The following TXNDC16 variants were observed in gnomAD, a reference collection of about 807,000 sequenced individuals.
TXNDC16 encodes thioredoxin domain containing 16, also known as thioredoxin domain-containing protein 16.
TXNDC16 carries 74 observed loss-of-function variants against 85.6 expected under a neutral mutation model. The ratio of observed to expected loss-of-function variants is 0.86; its 90% CI spans 0.72 to 1.05. The LOEUF (loss-of-function observed/expected upper bound fraction) is 1.05. Among genes scored for constraint, TXNDC16 ranks in the 50% least tolerant of loss-of-function variants. The pLI is 0.00. For missense variants in TXNDC16, 959 were observed against 947.0 expected, an observed-to-expected ratio of 1.01 and a Z score of -0.17; for synonymous variants, 335 against 326.5, an observed-to-expected ratio of 1.03 and a Z score of -0.28.
chr14:52,490,234 A>G (rs2036368383), intron 11 of TXNDC16, among the ~76,000 whole-genome samples, 157 bp downstream of exon 11: 1 of 152,256 alleles, frequency 6.6e-6, no homozygotes, highest in African/African-American at 2.4e-5. Flanking sequence ...CCAGACTGAC[A>G]CATGATAAAA....
intron 2 of TXNDC16, among the ~76,000 whole-genome samples, 158 bp downstream of exon 2, chr14:52,544,106 C>T (rs1015194547): frequency 6.6e-6 from 1 of 152,096 alleles, no homozygotes; most frequent in Non-Finnish European, 1.5e-5. Flanking sequence ...AACATTCCTT[C>T]TAAATATACA....
intron 18 of TXNDC16, among the ~76,000 whole-genome samples, chr14:52,451,472 A>G (rs941613900): frequency 1.3e-5 from 2 of 152,162 alleles, no homozygotes; most frequent in Admixed American, 6.5e-5. Context: ...AACCAATTCA[A>G]CAATACATTA....
intron 14 of TXNDC16, among the ~76,000 whole-genome samples, chr14:52,476,864 A>C (rs2036031690): frequency 6.6e-6 from 1 of 152,216 alleles, no homozygotes; most frequent in African/African-American, 2.4e-5. Flanking sequence ...ATGCCTAGGC[A>C]CATTGTCATC....
At chr14:52,465,030 A>G (rs576411845) in intron 16 of TXNDC16, among the ~76,000 whole-genome samples, 1 of 152,336 alleles carries the variant, frequency 6.6e-6, no homozygotes, top group East Asian at 1.9e-4. Context: ...TATTCTTATT[A>G]TTTATTTTTT....
intron 6 of TXNDC16, among the ~76,000 whole-genome samples, chr14:52,531,683 G>T (rs767059627): frequency 6.6e-6 from 1 of 152,154 alleles, no homozygotes; most frequent in Non-Finnish European, 1.5e-5. Flanking sequence ...TAGGCACAGA[G>T]CATTTTGGGG....
At chr14:52,542,350 G>C in intron 4 of TXNDC16, 21 bp downstream of exon 4, 2 of 1,530,176 alleles carry the variant, frequency 1.3e-6, no homozygotes, top group Non-Finnish European at 1.8e-6. Context: ...TAATATTTTA[G>C]TAACATAAAT....
chr14:52,442,818 A>C (rs1180494959), intron 18 of TXNDC16, among the ~76,000 whole-genome samples: 2 of 152,196 alleles, frequency 1.3e-5, no homozygotes, highest in Non-Finnish European at 2.9e-5. Context: ...ATTGAGGACA[A>C]AGTTCAAGAT....
chr14:52,490,322 T>C (rs1025550238), intron 11 of TXNDC16, 69 bp downstream of exon 11: 10 of 1,092,622 alleles, frequency 9.2e-6, no homozygotes, highest in Non-Finnish European at 1.0e-5. Flanking sequence ...TAAAAATATA[T>C]TAAAGACCAC....
At chr14:52,495,869 G>C (rs889791497) in intron 9 of TXNDC16, among the ~76,000 whole-genome samples, 14 of 152,122 alleles carry the variant, frequency 9.2e-5, no homozygotes, top group African/African-American at 3.4e-4. Context: ...GTGAACTAAA[G>C]AGACAGATCG....
chr14:52,462,844 T>C, intron 16 of TXNDC16: 1 of 431,782 alleles, frequency 2.3e-6, no homozygotes, highest in South Asian at 1.7e-5. Flanking sequence ...TTGTAAGTGT[T>C]TGTAGGTAGT....
At chr14:52,441,968 A>G (rs552781927) in intron 18 of TXNDC16, among the ~76,000 whole-genome samples, 1 of 152,352 alleles carries the variant, frequency 6.6e-6, no homozygotes, top group East Asian at 1.9e-4. Context: ...ATTACAAGTC[A>G]GAATCCCAGG....
At chr14:52,449,638 C>T (rs1360979517) in intron 18 of TXNDC16, among the ~76,000 whole-genome samples, 1 of 152,066 alleles carries the variant, frequency 6.6e-6, no homozygotes, top group Non-Finnish European at 1.5e-5. Context: ...TCAATGGCTG[C>T]AGATACACAT....
At chr14:52,503,072 CA>C (rs1275465867) in intron 9 of TXNDC16, among the ~76,000 whole-genome samples, 1 of 152,224 alleles carries the variant, frequency 6.6e-6, no homozygotes, top group Non-Finnish European at 1.5e-5. Context: ...GTAAACAAAG[CA>C]GATGGGAAGC....
chr14:52,491,289 C>T (rs953023578), intron 9 of TXNDC16, among the ~76,000 whole-genome samples: 3 of 151,640 alleles, frequency 2.0e-5, no homozygotes, highest in African/African-American at 7.3e-5. Context: ...TCAAACAATC[C>T]TCCCACCTCA....
At position 52,433,730 on chromosome 14, in the gene TXNDC16, G is replaced by A. The variant is rs376816751; in HGVS notation, c.2195-1143C>T. Among the ~76,000 whole-genome samples the A allele has an allele frequency of 2.4e-4, 36 of 152,278 alleles. 1 individual carries two copies. The highest frequency in any genetic ancestry group is 8.2e-4 in the African/African-American group (34 of 41,564). The stretch of plus-strand genomic sequence containing the variant: ...TACATCAGCAGGGCAATAAATTTAG[G>A]CTACTCATGAAACTGATGTTTCAAA... On this transcript the variant is annotated intron_variant, in intron 20 of 20. Coordinates refer to ENST00000281741, the MANE Select transcript of TXNDC16 (RefSeq NM_020784.3).
At chr14:52,550,945 G>A (rs551924050) in intron 1 of TXNDC16, among the ~76,000 whole-genome samples, 4 of 152,252 alleles carry the variant, frequency 2.6e-5, no homozygotes, top group South Asian at 2.1e-4. Flanking sequence ...GAACTTCTTA[G>A]GTTCCAATAA....
At chr14:52,470,472 C>A in intron 15 of TXNDC16, 40 bp downstream of exon 15, 1 of 1,579,092 alleles carries the variant, frequency 6.3e-7, no homozygotes, top group African/African-American at 1.4e-5. Context: ...TTCTAAAGAC[C>A]TAAACATTCA....
intron 14 of TXNDC16, among the ~76,000 whole-genome samples, chr14:52,481,141 T>C (rs765574925): frequency 6.6e-6 from 1 of 151,630 alleles, no homozygotes; most frequent in Non-Finnish European, 1.5e-5. Context: ...AGCTAAGCTA[T>C]GAGGATGCAA....
chr14:52,537,498 C>A, intron 5 of TXNDC16, 101 bp downstream of exon 5: 1 of 853,598 alleles, frequency 1.2e-6, no homozygotes, highest in Non-Finnish European at 1.9e-6. Flanking sequence ...CATGATCCCC[C>A]CTACATATGA....
Sources: allele counts gnomAD v4.1 joint callset (sites outside exome capture counted in the v4.1 genomes callset), GRCh38; gene constraint gnomAD v4.1.1; transcripts MANE v1.5; gene names NCBI Gene and HGNC (gene_info 2026-07-23, HGNC 2026-07-21).